NPIPB2: variants seen among roughly 807,000 people sequenced by gnomAD.
NPIPB2 encodes nuclear pore complex interacting protein family member B2.
NPIPB2 carries 27 observed loss-of-function variants against 30.8 expected under a neutral mutation model. That is an observed-to-expected ratio of 0.88 (90% CI 0.65 to 1.21). The LOEUF (loss-of-function observed/expected upper bound fraction) is 1.21, where lower values mean the gene tolerates loss of function less well. NPIPB2 is among the 50% of genes most tolerant of loss of function. The pLI is 0.00. For synonymous variants in NPIPB2, 147 were observed against 162.0 expected (o/e 0.91, Z 0.70); for missense variants, 440 against 446.2 (o/e 0.99, Z 0.13).
At chr16:11,945,812 G>A (rs978004329), upstream of NPIPB2, among the ~76,000 whole-genome samples, 1 of 152,106 alleles carries the variant, frequency 6.6e-6, no homozygotes, top group African/African-American at 2.4e-5. Context: ...TGGGTTCTAT[G>A]TTCTTACAGA....
intron 1 of NPIPB2, among the ~76,000 whole-genome samples, chr16:11,956,534 G>A (rs1009483543): frequency 3.9e-5 from 6 of 152,072 alleles, no homozygotes; most frequent in Non-Finnish European, 8.8e-5. Flanking sequence ...AAATTAGCTG[G>A]GCGTGGTGGC....
At chr16:11,945,603 G>A (rs142729333), upstream of NPIPB2, among the ~76,000 whole-genome samples, 37 of 152,062 alleles carry the variant, frequency 2.4e-4, 1 homozygote, top group East Asian at 6.8e-3. Flanking sequence ...GCTTGAACCC[G>A]GGAGGTGGAT....
upstream of NPIPB2, among the ~76,000 whole-genome samples, chr16:11,943,036 CAG>C (rs1454829903): frequency 3.3e-5 from 5 of 152,254 alleles, no homozygotes; most frequent in South Asian, 1.0e-3. Context: ...AAAAACAAAA[CAG>C]GGGCTGGGTG....
chr16:11,957,070 T>C (rs1209893000), intron 1 of NPIPB2, among the ~76,000 whole-genome samples: 1 of 152,040 alleles, frequency 6.6e-6, no homozygotes, highest in Non-Finnish European at 1.5e-5. Flanking sequence ...CAGCTTACTG[T>C]AGTCTCCACT....
upstream of NPIPB2, among the ~76,000 whole-genome samples, chr16:11,945,005 C>A (rs897633002): frequency 6.7e-6 from 1 of 150,310 alleles, no homozygotes; most frequent in Admixed American, 6.7e-5. Context: ...ATGGAGAAAC[C>A]CCATCTCTAC....
chr16:11,934,446 A>G (rs1032715140), intron 2 of NPIPB2, among the ~76,000 whole-genome samples: 44 of 142,988 alleles, frequency 3.1e-4, no homozygotes, highest in African/African-American at 4.4e-4. Context: ...CCAGCTAGTC[A>G]GGAGGCTGAG....
intron 1 of NPIPB2, among the ~76,000 whole-genome samples, chr16:11,948,337 G>A (rs2055031700): frequency 6.6e-6 from 1 of 152,112 alleles, no homozygotes; most frequent in Non-Finnish European, 1.5e-5. Context: ...GAGACAATTG[G>A]TCATTGTGCG....
chr16:11,946,997 C>T (rs371492729), upstream of NPIPB2, among the ~76,000 whole-genome samples: 14 of 148,132 alleles, frequency 9.5e-5, no homozygotes, highest in East Asian at 2.0e-3. Context: ...GCTGGGATTA[C>T]AGGTGTGACC....
At chr16:11,961,451 T>C (rs1298190813) in intron 1 of NPIPB2, among the ~76,000 whole-genome samples, 1 of 152,210 alleles carries the variant, frequency 6.6e-6, no homozygotes, top group African/African-American at 2.4e-5. Context: ...CATTTTATTT[T>C]CATGATTTTA....
chr16:11,948,187 G>A (rs1334876829), intron 1 of NPIPB2, among the ~76,000 whole-genome samples: 2 of 151,708 alleles, frequency 1.3e-5, no homozygotes, highest in African/African-American at 4.8e-5. Context: ...CCATGGGACT[G>A]AAGGTGCCAA....
intron 4 of NPIPB2, among the ~76,000 whole-genome samples, chr16:11,931,456 A>AG (rs2054789554): frequency 6.7e-6 from 1 of 149,924 alleles, no homozygotes; most frequent in Non-Finnish European, 1.5e-5. Flanking sequence ...GGGCGAAAAC[A>AG]CTTCAAAGAG....
Position 11,967,388 on chromosome 16 carries a change from C to A in NPIPB2, c.-584+9180G>T, listed in dbSNP as rs930507327. Among the ~76,000 whole-genome samples, 5 of 152,096 alleles carry A rather than the reference C, an allele frequency of 3.3e-5. No individual in the cohort carries two copies. In the East Asian group the frequency reaches 7.7e-4, roughly 23 times the overall value. On this transcript the variant is annotated intron_variant, in intron 1 of 5. Coordinates refer to the NPIPB2 transcript ENST00000538896. ...TAGTCCCGACTGCTCTGTAGGCTAA[C>A]GTGGGAGGATTGCTTGAGCCCAGGA...
chr16:11,937,822 G>C (rs1307367774), intron 1 of NPIPB2, among the ~76,000 whole-genome samples, 154 bp from the exon 2 acceptor site: 2 of 152,176 alleles, frequency 1.3e-5, no homozygotes, highest in Admixed American at 1.3e-4. Flanking sequence ...AAAAAGAACA[G>C]AAGTTAGAAG....
In NPIPB2 at chr16:11,953,923, G is replaced by T. The variant is rs551476963; in HGVS notation, c.-583-11809C>A. Among the ~76,000 whole-genome samples the T allele has an allele frequency of 2.6e-5, 4 of 151,468 alleles. No individual in the cohort carries two copies. In the South Asian group the frequency reaches 6.3e-4, roughly 24 times the overall value. ...ACTCCTGACCTCAAGTGATTTGCCC[G>T]CCTTGGCCTCCCAAAGTCCTGGGAT... On this transcript the variant is annotated intron_variant, in intron 1 of 5. Transcript: ENST00000538896.
intron 1 of NPIPB2, among the ~76,000 whole-genome samples, chr16:11,954,341 G>A (rs366262): frequency 0.84 from 127,277 of 151,908 alleles, 54,772 homozygotes; most frequent in South Asian, 0.97. Flanking sequence ...TTAGCCGGTC[G>A]TGGTTGCAAG....
chr16:11,955,450 C>T (rs1056457124), intron 1 of NPIPB2, among the ~76,000 whole-genome samples: 1 of 151,470 alleles, frequency 6.6e-6, no homozygotes, highest in Non-Finnish European at 1.5e-5. Context: ...TGGCTCACGC[C>T]TGTAATCCCA....
At chr16:11,934,553 CAAAA>C (rs1184843851) in intron 2 of NPIPB2, among the ~76,000 whole-genome samples, 3 of 73,018 alleles carry the variant, frequency 4.1e-5, no homozygotes, top group Admixed American at 1.7e-4. Flanking sequence ...AACTCTGTCT[CAAAA>C]AAAAAAAAAA....
At chr16:11,944,170 A>AT (rs767446739), upstream of NPIPB2, among the ~76,000 whole-genome samples, 390 of 137,752 alleles carry the variant, frequency 2.8e-3, no homozygotes, top group Admixed American at 4.7e-3. Flanking sequence ...GATAAACTGG[A>AT]TTTTTTTTTT....
At chr16:11,951,383 G>T (rs1290401963) in intron 1 of NPIPB2, among the ~76,000 whole-genome samples, 21 of 135,354 alleles carry the variant, frequency 1.6e-4, no homozygotes, top group African/African-American at 5.8e-4. Flanking sequence ...AGAATGGCGT[G>T]AACCTGGGAA....
Sources: gnomAD v4.1 joint callset for allele counts (sites outside exome capture counted in the v4.1 genomes callset) on GRCh38, gnomAD v4.1.1 for gene constraint, MANE v1.5 for transcripts, NCBI Gene and HGNC (gene_info 2026-07-23, HGNC 2026-07-21) for gene names.